LRRTM4: variants seen among roughly 807,000 people sequenced by gnomAD.
The protein encoded by LRRTM4 is leucine-rich repeat transmembrane neuronal protein 4.
A neutral mutation model predicts 47.6 loss-of-function variants in LRRTM4; 25 were observed. That is an observed-to-expected ratio of 0.53 (90% confidence interval 0.38 to 0.73). The LOEUF (loss-of-function observed/expected upper bound fraction) is 0.73. Among genes scored for constraint, LRRTM4 ranks in the 30% least tolerant of loss-of-function variants. LRRTM4 has a pLI of 0.00. For missense variants in LRRTM4, 638 were observed against 713.4 expected (o/e 0.89, Z 1.20); for synonymous variants, 311 against 269.5 (o/e 1.15, Z -1.51).
chr2:77,145,564 C>T (rs1365912337), intron 3 of LRRTM4, among the ~76,000 whole-genome samples: 7 of 150,984 alleles, frequency 4.6e-5, no homozygotes, highest in Non-Finnish European at 7.4e-5. Flanking sequence ...GCCGGGAGAT[C>T]GAGACCATCC....
chr2:76,985,571 C>A (rs1328412532), intron 3 of LRRTM4, among the ~76,000 whole-genome samples: 2 of 151,902 alleles, frequency 1.3e-5, no homozygotes, highest in Non-Finnish European at 2.9e-5. Flanking sequence ...ACTAAAGTTG[C>A]TAGCTGCTGA....
At chr2:76,822,913 A>G (rs1443587662) in intron 3 of LRRTM4, among the ~76,000 whole-genome samples, 1 of 151,470 alleles carries the variant, frequency 6.6e-6, no homozygotes, top group Non-Finnish European at 1.5e-5. Flanking sequence ...TATAAAAGTA[A>G]TAAAATTATT....
At chr2:77,361,412 A>T (rs1431151364) in intron 3 of LRRTM4, among the ~76,000 whole-genome samples, 2 of 152,084 alleles carry the variant, frequency 1.3e-5, no homozygotes, top group African/African-American at 4.8e-5. Context: ...TTTCTAAGAC[A>T]TTGTGCTATT....
chr2:76,882,303 A>G (rs1444895498), intron 3 of LRRTM4, among the ~76,000 whole-genome samples: 1 of 151,996 alleles, frequency 6.6e-6, no homozygotes, highest in Non-Finnish European at 1.5e-5. Flanking sequence ...CTTAACTTTT[A>G]CTGAAACATT....
chr2:77,469,724 ATAGCATATATATATAT>A (rs199703746), intron 3 of LRRTM4, among the ~76,000 whole-genome samples: 131,929 of 151,876 alleles, frequency 0.87, 57,415 homozygotes, highest in South Asian at 0.92. Flanking sequence ...ATATATATGT[ATAGCATATATATATAT>A]AAACATATAT....
At chr2:77,479,943 A>G (rs1677604478) in intron 3 of LRRTM4, among the ~76,000 whole-genome samples, 1 of 152,336 alleles carries the variant, frequency 6.6e-6, no homozygotes, top group Non-Finnish European at 1.5e-5. Flanking sequence ...ATTTCAAATA[A>G]TACTTTACAT....
chr2:77,086,032 T>C (rs776696478), intron 3 of LRRTM4, among the ~76,000 whole-genome samples: 1 of 152,180 alleles, frequency 6.6e-6, no homozygotes, highest in Non-Finnish European at 1.5e-5. Flanking sequence ...TTAAATTCAA[T>C]TTTAAAAATA....
chr2:76,929,316 C>T (rs912519826), intron 3 of LRRTM4, among the ~76,000 whole-genome samples: 1 of 152,164 alleles, frequency 6.6e-6, no homozygotes, highest in East Asian at 1.9e-4. Flanking sequence ...ATCGAGCCTA[C>T]AGTACAACAA....
chr2:77,198,440 G>A (rs979140169), intron 3 of LRRTM4, among the ~76,000 whole-genome samples: 5 of 152,082 alleles, frequency 3.3e-5, no homozygotes, highest in Non-Finnish European at 7.4e-5. Context: ...AAATATGTTA[G>A]CCTCTAATCA....
At chr2:77,206,974 T>G (rs1243252113) in intron 3 of LRRTM4, among the ~76,000 whole-genome samples, 4 of 151,884 alleles carry the variant, frequency 2.6e-5, no homozygotes, top group Non-Finnish European at 5.9e-5. Flanking sequence ...CTCCATCTTA[T>G]GTAGCACCAA....
In LRRTM4 at chr2:77,131,056, G is replaced by A. The variant is rs1302573881; in HGVS notation, c.1552-382140C>T. Among the ~76,000 whole-genome samples, 238 of 133,278 alleles carry A rather than the reference G, an allele frequency of 1.8e-3. No homozygotes were observed. The Middle Eastern group carries it at 0.031, about 17-fold the overall frequency. The allele number at this position is 133,278 out of a possible 152,430, so 87.4% of individuals were successfully genotyped here. A position where few individuals can be genotyped will look rare whatever the true frequency, so the allele number is the denominator to read the frequency against. On this transcript the variant is annotated intron_variant, in intron 3 of 3. Coordinates refer to ENST00000409884, the MANE Select transcript of LRRTM4 (RefSeq NM_001134745.3). ...TCACCGTTTTAGCCGGGATGGTCTC[G>A]ATATCCTGACCTCGTGATCCGCCCG... is the stretch of plus-strand genomic sequence containing the variant.
intron 3 of LRRTM4, among the ~76,000 whole-genome samples, chr2:76,828,149 G>T (rs1041459363): frequency 6.6e-6 from 1 of 151,858 alleles, no homozygotes; most frequent in East Asian, 1.9e-4. Context: ...TATCTCCTGT[G>T]AATTTCACTT....
At chr2:76,971,540 C>A (rs1326128236) in intron 3 of LRRTM4, among the ~76,000 whole-genome samples, 1 of 151,998 alleles carries the variant, frequency 6.6e-6, no homozygotes, top group Non-Finnish European at 1.5e-5. Flanking sequence ...AGGATAATGG[C>A]AGGGCTCCAG....
At chr2:77,488,919 C>A (rs1434538451) in intron 3 of LRRTM4, among the ~76,000 whole-genome samples, 1 of 151,250 alleles carries the variant, frequency 6.6e-6, no homozygotes, top group African/African-American at 2.4e-5. Flanking sequence ...ATGTGCCATG[C>A]AGCACACCAG....
chr2:76,850,014 T>TA (rs1671945474), intron 3 of LRRTM4, among the ~76,000 whole-genome samples: 1 of 152,006 alleles, frequency 6.6e-6, no homozygotes. Flanking sequence ...TCCTCATGTG[T>TA]ATAAGTGGCT....
chr2:76,943,439 C>CA (rs1312371583), intron 3 of LRRTM4, among the ~76,000 whole-genome samples: 4 of 151,882 alleles, frequency 2.6e-5, no homozygotes, highest in South Asian at 2.1e-4. Flanking sequence ...CGTCTCAAAA[C>CA]AAAAAAATAA....
At chr2:77,291,479 G>A (rs74819849) in intron 3 of LRRTM4, among the ~76,000 whole-genome samples, 5,611 of 152,046 alleles carry the variant, frequency 0.037, 315 homozygotes, top group African/African-American at 0.12. Context: ...ATGTACATAG[G>A]TCTGTCTTAT....
At chr2:77,093,224 T>C (rs1670705320) in intron 3 of LRRTM4, among the ~76,000 whole-genome samples, 1 of 148,840 alleles carries the variant, frequency 6.7e-6, no homozygotes, top group African/African-American at 2.6e-5. Context: ...TGATATCTCC[T>C]GGGGCTATCC....
chr2:77,364,468 G>A (rs907690136), intron 3 of LRRTM4, among the ~76,000 whole-genome samples: 8 of 152,032 alleles, frequency 5.3e-5, no homozygotes, highest in Non-Finnish European at 7.4e-5. Context: ...ACCTATTGCC[G>A]GACATATTTT....
Sources: gnomAD v4.1 joint callset for allele counts (sites outside exome capture counted in the v4.1 genomes callset) on GRCh38, gnomAD v4.1.1 for gene constraint, MANE v1.5 for transcripts, NCBI Gene and HGNC (gene_info 2026-07-23, HGNC 2026-07-21) for gene names.